Variants in SGMS1 observed in about 807,000 individuals in gnomAD.
SGMS1 encodes the protein phosphatidylcholine:ceramide cholinephosphotransferase 1.
SGMS1 carries 13 observed loss-of-function variants against 46.2 expected under a neutral mutation model. The ratio of observed to expected loss-of-function variants is 0.28; its 90% confidence interval spans 0.18 to 0.45. The LOEUF (loss-of-function observed/expected upper bound fraction) is 0.45, where lower values mean the gene tolerates loss of function less well. SGMS1 is among the 20% of genes least tolerant of loss of function. The probability of loss-of-function intolerance (pLI) is 1.00; values close to 1 mark genes in which losing one functional copy is unlikely to be tolerated. For missense variants in SGMS1, 324 were observed against 519.9 expected (o/e 0.62, Z 3.66); for synonymous variants, 203 against 187.8 (o/e 1.08, Z -0.66).
At chr10:50,310,303 C>A (rs182235286) in intron 9 of SGMS1, among the ~76,000 whole-genome samples, 61 of 152,268 alleles carry the variant, frequency 4.0e-4, no homozygotes, top group African/African-American at 1.4e-3. Flanking sequence ...TTCATGGAAA[C>A]CCCCCTGTAT....
At chr10:50,537,505 G>A (rs952854589) in intron 2 of SGMS1, among the ~76,000 whole-genome samples, 3 of 150,730 alleles carry the variant, frequency 2.0e-5, no homozygotes, top group African/African-American at 7.3e-5. Context: ...TGTGCACAAC[G>A]TGCAGGTTTG....
intron 6 of SGMS1, among the ~76,000 whole-genome samples, chr10:50,398,044 A>G (rs1848871709): frequency 6.6e-6 from 1 of 152,042 alleles, no homozygotes; most frequent in Admixed American, 6.5e-5. Flanking sequence ...CTGACTTTGT[A>G]CTCTGGTGTG....
At chr10:50,616,569 G>T (rs117590155) in intron 1 of SGMS1, among the ~76,000 whole-genome samples, 1 of 152,156 alleles carries the variant, frequency 6.6e-6, no homozygotes, top group African/African-American at 2.4e-5. Flanking sequence ...CTCCCTAAGC[G>T]GCGGGGGGTG....
chr10:50,341,290 T>A (rs750517401), intron 7 of SGMS1: 2 of 455,768 alleles, frequency 4.4e-6, no homozygotes, highest in South Asian at 3.1e-5. Flanking sequence ...TCTTTCTTCC[T>A]ACCTCCTACC....
At chr10:50,419,362 T>C (rs1175243776) in intron 6 of SGMS1, among the ~76,000 whole-genome samples, 2 of 152,200 alleles carry the variant, frequency 1.3e-5, no homozygotes, top group Admixed American at 1.3e-4. Flanking sequence ...CTAAAGAATT[T>C]TAGAGCTGAA....
intron 3 of SGMS1, chr10:50,473,814 C>T (rs1837398282): frequency 6.6e-6 from 1 of 152,188 alleles, no homozygotes; most frequent in Non-Finnish European, 1.5e-5. Context: ...GACACAACTC[C>T]ACAAGCACAC....
intron 7 of SGMS1, among the ~76,000 whole-genome samples, chr10:50,330,318 C>CAAAACAAAACA (rs142023118): frequency 7.9e-6 from 1 of 127,280 alleles, no homozygotes; most frequent in Non-Finnish European, 1.8e-5. Context: ...CAAAACAAAA[C>CAAAACAAAACA]AAACAAACAA....
intron 7 of SGMS1, 105 bp from the exon 8 acceptor site, chr10:50,327,427 T>G (rs1005265659): frequency 1.1e-5 from 8 of 705,162 alleles, no homozygotes; most frequent in African/African-American, 1.8e-5. Context: ...AAAAACTACT[T>G]GAGAACTTGA....
chr10:50,511,807 T>C (rs1351660621), intron 3 of SGMS1, among the ~76,000 whole-genome samples: 4 of 152,098 alleles, frequency 2.6e-5, no homozygotes, highest in African/African-American at 9.7e-5. Flanking sequence ...GTCTGAGGGA[T>C]CCACACTTAT....
Position 50,585,840 on chromosome 10 carries a change from C to T in SGMS1, c.-589+4313G>A, listed in dbSNP as rs530377361. Reference sequence around the variant, plus strand: ...AAATACAATAGACACTCTGTAAATACGTGTTGGATGAATACATGAATGAGA... The same window carrying T: ...AAATACAATAGACACTCTGTAAATATGTGTTGGATGAATACATGAATGAGA... On this transcript the variant is annotated intron_variant, in intron 2 of 10. Coordinates refer to ENST00000361781, the MANE Select transcript of SGMS1 (RefSeq NM_147156.4). Among the ~76,000 whole-genome samples the T allele has an allele frequency of 2.8e-4, 42 of 152,342 alleles. No individual in the cohort carries two copies. The South Asian group carries it at 8.3e-3, about 30-fold the overall frequency.
intron 3 of SGMS1, among the ~76,000 whole-genome samples, chr10:50,517,503 C>A (rs951659347): frequency 1.7e-4 from 26 of 151,874 alleles, no homozygotes; most frequent in African/African-American, 5.8e-4. Flanking sequence ...CAGGGAAAAA[C>A]AAGAAAGAAA....
intron 2 of SGMS1, among the ~76,000 whole-genome samples, chr10:50,568,975 A>G (rs1445404218): frequency 6.6e-6 from 1 of 152,190 alleles, no homozygotes; most frequent in Non-Finnish European, 1.5e-5. Flanking sequence ...GCCATAAAAA[A>G]GGGTGAGTTC....
chr10:50,418,190 G>A (rs1344132578), intron 6 of SGMS1: 1 of 152,138 alleles, frequency 6.6e-6, no homozygotes, highest in African/African-American at 2.4e-5. Flanking sequence ...CGCGCTGAGC[G>A]GCGCGCAGAC....
chr10:50,519,615 T>C (rs1326277644), intron 3 of SGMS1, among the ~76,000 whole-genome samples: 3 of 152,208 alleles, frequency 2.0e-5, no homozygotes, highest in Non-Finnish European at 4.4e-5. Flanking sequence ...CCTTCTCCAG[T>C]GGGGGAGCTG....
At chr10:50,559,724 G>C (rs771147553) in intron 2 of SGMS1, among the ~76,000 whole-genome samples, 2 of 152,080 alleles carry the variant, frequency 1.3e-5, no homozygotes, top group African/African-American at 4.8e-5. Context: ...GCAAACTCTG[G>C]GTAAACACTC....
At chr10:50,311,918 A>T (rs892684166) in intron 8 of SGMS1, among the ~76,000 whole-genome samples, 2 of 152,170 alleles carry the variant, frequency 1.3e-5, no homozygotes, top group African/African-American at 2.4e-5. Context: ...ATGTTCAGGG[A>T]TCATGTTGAA....
intron 3 of SGMS1, among the ~76,000 whole-genome samples, chr10:50,506,965 T>G (rs1211485374): frequency 6.6e-6 from 1 of 152,174 alleles, no homozygotes; most frequent in East Asian, 1.9e-4. Context: ...CTGCAAAGCA[T>G]GTCCATTACA....
chr10:50,609,518 A>G (rs1272958453), intron 1 of SGMS1, among the ~76,000 whole-genome samples: 1 of 98,890 alleles, frequency 1.0e-5, no homozygotes, highest in Admixed American at 1.1e-4. Flanking sequence ...TACCTTCTCA[A>G]TAGTTTTTTT....
At chr10:50,352,579 G>A (rs754647812) in intron 6 of SGMS1, among the ~76,000 whole-genome samples, 88 of 152,272 alleles carry the variant, frequency 5.8e-4, no homozygotes, top group Non-Finnish European at 1.1e-3. Flanking sequence ...CTAAGTTTTA[G>A]AGATAAGTAA....
Sources: gnomAD v4.1 joint callset for allele counts (sites outside exome capture counted in the v4.1 genomes callset) on GRCh38, gnomAD v4.1.1 for gene constraint, MANE v1.5 for transcripts, NCBI Gene and HGNC (gene_info 2026-07-23, HGNC 2026-07-21) for gene names.